The following PHLPP2 variants were observed in gnomAD, a reference collection of about 807,000 sequenced individuals.
The protein encoded by PHLPP2 is PH domain leucine-rich repeat-containing protein phosphatase 2.
In PHLPP2, 66 loss-of-function variants were observed where a neutral mutation model predicts 124.9. That is an observed-to-expected ratio of 0.53 (90% CI 0.43 to 0.65). The LOEUF is 0.65. Among genes scored for constraint, PHLPP2 ranks in the 30% least tolerant of loss-of-function variants. The pLI is 0.00. For missense variants in PHLPP2, 1,685 were observed against 1,600.4 expected (o/e 1.05, Z -0.90); for synonymous variants, 681 against 624.7 (o/e 1.09, Z -1.34).
intron 3 of PHLPP2, chr16:71,698,441 TG>T: frequency 1.4e-6 from 1 of 731,824 alleles, no homozygotes; most frequent in Non-Finnish European, 2.5e-6. Context: ...CAGATGGACA[TG>T]GTAACTTGGC....
At chr16:71,705,903 C>G (rs969199269) in intron 2 of PHLPP2, among the ~76,000 whole-genome samples, 1 of 152,168 alleles carries the variant, frequency 6.6e-6, no homozygotes, top group Non-Finnish European at 1.5e-5. Flanking sequence ...AAATGAAGGA[C>G]TAATTCCATT....
chr16:71,678,839 C>T lies in PHLPP2; in HGVS notation c.1184G>A (p.Arg395Lys). ...EVYEKLTMLD[R>K]VVMAGNCLEV... ...CAGGCAATTTCCTGCCATAACCACT[C>T]TATCTAACATAGTGAGTTTCTCATA... Residue 395 changes from arginine to lysine, a missense_variant, in exon 8 of 19, where the codon AGA becomes AAA. By Grantham distance (26) the Arg-to-Lys change is conservative (BLOSUM62 2). Coordinates refer to ENST00000568954, the MANE Select transcript of PHLPP2 (RefSeq NM_015020.3). 6.2e-7 allele frequency: 1 copy of T among 1,612,578 alleles called. No individual in the cohort carries two copies. Among genetic ancestry groups the T allele is most frequent in the South Asian group, 1.1e-5 (1 of 91,034 alleles).
chr16:71,701,192 A>C (rs1320563915), intron 3 of PHLPP2, among the ~76,000 whole-genome samples: 1 of 152,126 alleles, frequency 6.6e-6, no homozygotes, highest in Non-Finnish European at 1.5e-5. Flanking sequence ...AAAACTATAT[A>C]ATTATTAAGT....
intron 18 of PHLPP2, among the ~76,000 whole-genome samples, chr16:71,652,353 G>A (rs1186256038): frequency 6.6e-6 from 1 of 152,198 alleles, no homozygotes; most frequent in African/African-American, 2.4e-5. Flanking sequence ...AAATACTGAT[G>A]TTTCATTATC....
At chr16:71,695,124 A>C (rs1439176892) in intron 3 of PHLPP2, among the ~76,000 whole-genome samples, 3 of 152,138 alleles carry the variant, frequency 2.0e-5, no homozygotes, top group African/African-American at 7.2e-5. Flanking sequence ...AAATATTTTA[A>C]AGCCTAATAA....
chr16:71,719,027 T>C (rs1158194394), intron 1 of PHLPP2, among the ~76,000 whole-genome samples: 1 of 152,194 alleles, frequency 6.6e-6, no homozygotes, highest in Non-Finnish European at 1.5e-5. Flanking sequence ...AGTTAACTGC[T>C]GGAAAAACCT....
intron 5 of PHLPP2, among the ~76,000 whole-genome samples, chr16:71,682,890 T>C (rs2045016164): frequency 2.0e-5 from 3 of 152,134 alleles, no homozygotes; most frequent in Non-Finnish European, 4.4e-5. Flanking sequence ...AAGTCATTCA[T>C]GGCTAGGCGT....
intron 12 of PHLPP2, 171 bp from the exon 13 acceptor site, chr16:71,664,270 T>C (rs1254685614): frequency 1.6e-6 from 1 of 607,402 alleles, no homozygotes; most frequent in East Asian, 2.7e-5. Context: ...CAACCCAAAG[T>C]TCCTTTTACT....
At chr16:71,710,464 G>A (rs1012186969) in intron 2 of PHLPP2, among the ~76,000 whole-genome samples, 1 of 152,198 alleles carries the variant, frequency 6.6e-6, no homozygotes, top group African/African-American at 2.4e-5. Context: ...CCAGGACCTA[G>A]CCTAGGGAAA....
rs768731244 is a variant in PHLPP2 at position 71,684,557 on chromosome 16, T to C, written c.654A>G (p.Ser218=). 5.6e-5 allele frequency: 90 copies of C among 1,613,770 alleles called. No individual in the cohort carries two copies. The highest frequency in any genetic ancestry group is 7.4e-5 in the Non-Finnish European group (87 of 1,179,906). Residue 218 remains serine, a synonymous_variant, in exon 5 of 19, where the codon TCA becomes TCG. Coordinates refer to ENST00000568954, the MANE Select transcript of PHLPP2 (RefSeq NM_015020.3). ...KRRQYSLAFS[S]AGAQAQTYHV... ...GATAGGTCTGAGCTTGGGCTCCTGC[T>C]GAGCTGAAAGCAAGGGAGTATTGCC...
chr16:71,709,935 G>T (rs1378597787), intron 2 of PHLPP2, among the ~76,000 whole-genome samples: 1 of 152,156 alleles, frequency 6.6e-6, no homozygotes, highest in African/African-American at 2.4e-5. Flanking sequence ...CCAGGCTCAA[G>T]CGATTCTCCT....
chr16:71,681,363 G>C (rs973387043), intron 6 of PHLPP2, among the ~76,000 whole-genome samples: 2 of 152,204 alleles, frequency 1.3e-5, no homozygotes, highest in African/African-American at 2.4e-5. Flanking sequence ...AAGGTACAAA[G>C]AGAAGATAGA....
chr16:71,690,319 A>G (rs1457157911), intron 4 of PHLPP2, among the ~76,000 whole-genome samples, 200 bp downstream of exon 4: 3 of 152,184 alleles, frequency 2.0e-5, no homozygotes, highest in African/African-American at 7.2e-5. Context: ...GGAGGTGGGG[A>G]TGTCTTGAAC....
At chr16:71,682,497 T>A (rs1472805603) in intron 5 of PHLPP2, among the ~76,000 whole-genome samples, 1 of 152,172 alleles carries the variant, frequency 6.6e-6, no homozygotes, top group Non-Finnish European at 1.5e-5. Flanking sequence ...GAAGTTATCT[T>A]AAGATGATTC....
At chr16:71,712,546 T>C (rs969984903) in intron 2 of PHLPP2, among the ~76,000 whole-genome samples, 1 of 152,148 alleles carries the variant, frequency 6.6e-6, no homozygotes, top group Non-Finnish European at 1.5e-5. Context: ...CCAGATATAA[T>C]ATAGGTCAAG....
intron 2 of PHLPP2, among the ~76,000 whole-genome samples, chr16:71,710,176 A>G (rs952639861): frequency 6.6e-6 from 1 of 152,046 alleles, no homozygotes; most frequent in Non-Finnish European, 1.5e-5. Context: ...GTCTCTCTGG[A>G]CCTTGCCACC....
intron 3 of PHLPP2, among the ~76,000 whole-genome samples, chr16:71,692,194 C>T (rs564091119): frequency 4.6e-5 from 7 of 152,122 alleles, no homozygotes; most frequent in Admixed American, 6.5e-5. Flanking sequence ...CTCAGCCTCC[C>T]GAGTAGCTGG....
chr16:71,717,053 T>A (rs1408135457), intron 1 of PHLPP2, among the ~76,000 whole-genome samples: 1 of 152,200 alleles, frequency 6.6e-6, no homozygotes, highest in Non-Finnish European at 1.5e-5. Flanking sequence ...TGTACCTTAG[T>A]CCAATTAGCT....
At chr16:71,698,662 T>A (rs2045198401) in intron 3 of PHLPP2, 1 of 546,274 alleles carries the variant, frequency 1.8e-6, no homozygotes, top group Non-Finnish European at 3.5e-6. Flanking sequence ...ACACTGGGCC[T>A]CCCTGAGGAA....
Sources: allele counts gnomAD v4.1 joint callset (sites outside exome capture counted in the v4.1 genomes callset), GRCh38; gene constraint gnomAD v4.1.1; transcripts MANE v1.5; gene names NCBI Gene and HGNC (gene_info 2026-07-23, HGNC 2026-07-21).